Variants in HOXD8 observed in about 807,000 individuals in gnomAD.
HOXD8 encodes the protein homeobox D8.
In HOXD8, 17 loss-of-function variants were observed where a neutral mutation model predicts 25.4. The ratio of observed to expected loss-of-function variants is 0.67; its 90% CI spans 0.46 to 1.00. The LOEUF (loss-of-function observed/expected upper bound fraction) is 1.00. Among genes scored for constraint, HOXD8 ranks in the 50% least tolerant of loss-of-function variants. The probability of loss-of-function intolerance (pLI) is 0.00; values close to 1 mark genes in which losing one functional copy is unlikely to be tolerated. For synonymous variants in HOXD8, 203 were observed against 175.3 expected (o/e 1.16, Z -1.25); for missense variants, 511 against 398.5 (o/e 1.28, Z -2.40).
At position 176,129,776 on chromosome 2, in the gene HOXD8, T is replaced by G; in HGVS notation, c.-591T>G. On this transcript the variant is annotated 5_prime_UTR_variant, in exon 1 of 2. Coordinates refer to ENST00000313173, the MANE Select transcript of HOXD8 (RefSeq NM_019558.4). ...CTGTGGTGCGAAAATGCCTCGCCGG[T>G]GCGCACCGGGTCGGCAGCCTCGGCG... The G allele has an allele frequency of 4.9e-6, 1 of 206,062 alleles. No homozygotes were observed. Among genetic ancestry groups the G allele is most frequent in the South Asian group, 6.5e-5 (1 of 15,496 alleles). The allele number at this position is 206,062 out of a possible 1,614,324, so 12.8% of individuals were successfully genotyped here.
In HOXD8 at chr2:176,130,507, C is replaced by CGCA; in HGVS notation, c.147_149dup (p.Ala50dup). On this transcript the variant is annotated inframe_insertion, in exon 1 of 2. Coordinates refer to ENST00000313173, the MANE Select transcript of HOXD8 (RefSeq NM_019558.4). ...AGGTCGGCGGCCGTCACGCCGCCGCCGCAGCAGCCCTGCAGCTCTATGGCA... is the reference window on the plus strand; with the variant it reads ...AGGTCGGCGGCCGTCACGCCGCCGCCGCAGCAGCAGCCCTGCAGCTCTATGGCA... The CGCA allele has an allele frequency of 6.7e-7, 1 of 1,491,466 alleles. No homozygotes were observed. The highest frequency in any genetic ancestry group is 8.9e-7 in the Non-Finnish European group (1 of 1,127,380). The allele number at this position is 1,491,466 out of a possible 1,614,324, so 92.4% of individuals were successfully genotyped here.
Position 176,130,688 on chromosome 2 carries a change from GCCCCCCCTCCTC to G in HOXD8, c.324_335del (p.Pro110_Pro113del). 1 of 1,577,344 alleles carries G rather than the reference GCCCCCCCTCCTC, an allele frequency of 6.3e-7. No homozygotes were observed. The highest frequency in any genetic ancestry group is 8.6e-7 in the Non-Finnish European group (1 of 1,162,086). On this transcript the variant is annotated inframe_deletion, in exon 1 of 2. Transcript: ENST00000313173. The stretch of plus-strand genomic sequence containing the variant: ...CAGCCCGGCCGCTGCCTACCAGGCC[GCCCCCCCTCCTC>G]CTCCGCATCCTCCGCCTCCGCCGCC...
chr2:176,130,467 G>A lies in HOXD8; in HGVS notation c.101G>A (p.Cys34Tyr), dbSNP rs1374630582. The part of the protein sequence containing the change: ...GEAINPTYYD[C>Y]HFAPEVGGRH... The stretch of plus-strand genomic sequence containing the variant: ...GCCATCAATCCCACTTACTACGACT[G>A]TCACTTCGCGCCCGAGGTCGGCGGC... Residue 34 changes from cysteine to tyrosine, a missense_variant, in exon 1 of 2, where the codon TGT becomes TAT. Physicochemically the swap from Cys to Tyr is radical, Grantham distance 194. Coordinates refer to ENST00000313173, the MANE Select transcript of HOXD8 (RefSeq NM_019558.4). 4 of 1,492,798 alleles carry A rather than the reference G, an allele frequency of 2.7e-6. No individual in the cohort carries two copies. Among genetic ancestry groups the A allele is most frequent in the South Asian group, 1.2e-5 (1 of 80,082 alleles). 92.5% of individuals were successfully genotyped at this position (1,492,798 alleles called of 1,614,324 possible). A position where few individuals can be genotyped will look rare whatever the true frequency, so the allele number is the denominator to read the frequency against.
At position 176,130,263 on chromosome 2, in the gene HOXD8, G is replaced by A; in HGVS notation, c.-104G>A. 2 of 628,520 alleles carry A rather than the reference G, an allele frequency of 3.2e-6. No individual in the cohort carries two copies. The highest frequency in any genetic ancestry group is 3.8e-5 in the East Asian group (1 of 26,154). The allele number at this position is 628,520 out of a possible 1,614,324, so 38.9% of individuals were successfully genotyped here. A position where few individuals can be genotyped will look rare whatever the true frequency, so the allele number is the denominator to read the frequency against. Reference sequence around the variant, plus strand: ...TAGCCCGGCGGTCCCGGCGGCGAGAGCAGCCGCCCCACAGGCCCCCGCGGC... The same window carrying A: ...TAGCCCGGCGGTCCCGGCGGCGAGAACAGCCGCCCCACAGGCCCCCGCGGC... On this transcript the variant is annotated 5_prime_UTR_variant, in exon 1 of 2. Coordinates refer to ENST00000313173, the MANE Select transcript of HOXD8 (RefSeq NM_019558.4).
chr2:176,130,508 G>C lies in HOXD8; in HGVS notation c.142G>C (p.Ala48Pro). 1 of 1,491,366 alleles carries C rather than the reference G, an allele frequency of 6.7e-7. No individual in the cohort carries two copies. The highest frequency in any genetic ancestry group is 8.9e-7 in the Non-Finnish European group (1 of 1,127,296). The allele number at this position is 1,491,366 out of a possible 1,614,324, so 92.4% of individuals were successfully genotyped here. A position where few individuals can be genotyped will look rare whatever the true frequency, so the allele number is the denominator to read the frequency against. The change falls in exon 1 of 2, where the codon GCA becomes CCA. Residue 48 changes from alanine to proline, a missense_variant. Coordinates refer to ENST00000313173, the MANE Select transcript of HOXD8 (RefSeq NM_019558.4). ...GGTCGGCGGCCGTCACGCCGCCGCC[G>C]CAGCAGCCCTGCAGCTCTATGGCAA... Reference protein sequence around the residue: ...PEVGGRHAAAAAALQLYGNSA... With the variant: ...PEVGGRHAAAPAALQLYGNSA...
chr2:176,130,355 G>T lies in HOXD8; in HGVS notation c.-12G>T. 1 of 1,397,602 alleles carries T rather than the reference G, an allele frequency of 7.2e-7. No individual in the cohort carries two copies. Among genetic ancestry groups the T allele is most frequent in the Non-Finnish European group, 9.2e-7 (1 of 1,086,456 alleles). 86.6% of individuals were successfully genotyped at this position (1,397,602 alleles called of 1,614,324 possible). On this transcript the variant is annotated 5_prime_UTR_variant, in exon 1 of 2. Coordinates refer to ENST00000313173, the MANE Select transcript of HOXD8 (RefSeq NM_019558.4). ...CGCCCGCCCGCCCGGGGCCGCCGCC[G>T]CTGACGCCCCAATGAGTTCGTACTT...
In HOXD8 at chr2:176,130,473, T is replaced by C; in HGVS notation, c.107T>C (p.Phe36Ser). The stretch of plus-strand genomic sequence containing the variant: ...AATCCCACTTACTACGACTGTCACT[T>C]CGCGCCCGAGGTCGGCGGCCGTCAC... ...AINPTYYDCH[F>S]APEVGGRHAA... Residue 36 changes from phenylalanine (F) to serine (S), a missense_variant, in exon 1 of 2, where the codon TTC becomes TCC. Coordinates refer to ENST00000313173, the MANE Select transcript of HOXD8 (RefSeq NM_019558.4). 6.7e-7 allele frequency: 1 copy of C among 1,491,950 alleles called. No homozygotes were observed. Among genetic ancestry groups the C allele is most frequent in the Non-Finnish European group, 8.9e-7 (1 of 1,127,318 alleles). The allele number at this position is 1,491,950 out of a possible 1,614,324, so 92.4% of individuals were successfully genotyped here. A position where few individuals can be genotyped will look rare whatever the true frequency, so the allele number is the denominator to read the frequency against.
Position 176,130,954 on chromosome 2 carries a change from A to AT in HOXD8, c.577+21dup, listed in dbSNP as rs762340147. ...GGATGAGACCACAAGGTTGGGATGC[A>AT]TTTTTTTTTTAAGAAGGGAGAGGGG... On this transcript the variant is annotated intron_variant, in intron 1 of 1. Transcript: ENST00000313173. The AT allele has an allele frequency of 5.3e-3, 7,268 of 1,359,184 alleles. 2 individuals carry two copies. Among genetic ancestry groups the AT allele is most frequent in the South Asian group, 8.3e-3 (572 of 68,586 alleles). The allele number at this position is 1,359,184 out of a possible 1,614,324, so 84.2% of individuals were successfully genotyped here.
chr2:176,130,736 T>A lies in HOXD8; in HGVS notation c.370T>A (p.Cys124Ser), dbSNP rs764402769. 1.2e-6 allele frequency: 2 copies of A among 1,608,118 alleles called. No individual in the cohort carries two copies. The highest frequency in any genetic ancestry group is 1.7e-6 in the Non-Finnish European group (2 of 1,177,056). The change falls in exon 1 of 2, where the codon TGC (cysteine) becomes AGC (serine). Residue 124 changes from cysteine (C) to serine (S), a missense_variant. Cys to Ser is a moderately radical substitution (Grantham distance 112, BLOSUM62 -1). Coordinates refer to ENST00000313173, the MANE Select transcript of HOXD8 (RefSeq NM_019558.4). ...TCCGCCTCCGCCGCCACCTCCCCCC[T>A]GCGGCGGGATTGCCTGTCACGGGGA... ...HPPPPPPPPP[C>S]GGIACHGEPA...
chr2:176,132,116 G>A lies in HOXD8; in HGVS notation c.*504G>A, dbSNP rs1243203355. The stretch of plus-strand genomic sequence containing the variant: ...CTTTCCTTTATAATGAATAGTTCGG[G>A]TGCGTTTTGTTTACTCCTAAAAGGT... On this transcript the variant is annotated 3_prime_UTR_variant, in exon 2 of 2. Coordinates refer to ENST00000313173, the MANE Select transcript of HOXD8 (RefSeq NM_019558.4). 6.6e-6 allele frequency: 1 copy of A among 151,822 alleles called. No individual in the cohort carries two copies. The highest frequency in any genetic ancestry group is 2.4e-5 in the African/African-American group (1 of 41,290). 9.4% of individuals were successfully genotyped at this position (151,822 alleles called of 1,614,324 possible). A position where few individuals can be genotyped will look rare whatever the true frequency, so the allele number is the denominator to read the frequency against.
chr2:176,130,586 C>G lies in HOXD8; in HGVS notation c.220C>G (p.Pro74Ala). Reference sequence around the variant, plus strand: ...CCCGCAGGCGCACGCGCACCCGCACCCGTCCCCGCCGCCCTCCGGGACTGG... The same window carrying G: ...CCCGCAGGCGCACGCGCACCCGCACGCGTCCCCGCCGCCCTCCGGGACTGG... Reference protein sequence around the residue: ...APPQAHAHPHPSPPPSGTGCG... With the variant: ...APPQAHAHPHASPPPSGTGCG... The change falls in exon 1 of 2, where the codon CCG becomes GCG. Residue 74 changes from proline (P) to alanine (A), a missense_variant. Coordinates refer to ENST00000313173, the MANE Select transcript of HOXD8 (RefSeq NM_019558.4). 1.4e-6 allele frequency: 2 copies of G among 1,454,988 alleles called. No individual in the cohort carries two copies. Among genetic ancestry groups the G allele is most frequent in the Admixed American group, 2.9e-5 (1 of 34,078 alleles). 90.1% of individuals were successfully genotyped at this position (1,454,988 alleles called of 1,614,324 possible).
Position 176,130,529 on chromosome 2 carries a change from G to T in HOXD8, c.163G>T (p.Gly55Cys). Reference sequence around the variant, plus strand: ...CGCCGCAGCAGCCCTGCAGCTCTATGGCAACAGCGCCGCCGGCTTCCCGCA... The same window carrying T: ...CGCCGCAGCAGCCCTGCAGCTCTATTGCAACAGCGCCGCCGGCTTCCCGCA... ...AAAAAALQLY[G>C]NSAAGFPHAP... Residue 55 changes from glycine to cysteine, a missense_variant, in exon 1 of 2, where the codon GGC becomes TGC. Physicochemically the swap from Gly to Cys is radical, Grantham distance 159. Coordinates refer to ENST00000313173, the MANE Select transcript of HOXD8 (RefSeq NM_019558.4). 2 of 1,482,632 alleles carry T rather than the reference G, an allele frequency of 1.3e-6. No individual in the cohort carries two copies. Among genetic ancestry groups the T allele is most frequent in the Admixed American group, 2.4e-5 (1 of 41,450 alleles). 91.8% of individuals were successfully genotyped at this position (1,482,632 alleles called of 1,614,324 possible).
chr2:176,130,335 G>C lies in HOXD8; in HGVS notation c.-32G>C. 7.3e-7 allele frequency: 1 copy of C among 1,366,856 alleles called. No individual in the cohort carries two copies. The highest frequency in any genetic ancestry group is 9.4e-7 in the Non-Finnish European group (1 of 1,066,958). The allele number at this position is 1,366,856 out of a possible 1,614,324, so 84.7% of individuals were successfully genotyped here. The stretch of plus-strand genomic sequence containing the variant: ...GCTCTCTGGCTGCTTAGCGCCGCCC[G>C]CCCGCCCGGGGCCGCCGCCGCTGAC... On this transcript the variant is annotated 5_prime_UTR_variant, in exon 1 of 2. Transcript: ENST00000313173.
In HOXD8 at chr2:176,130,407, A is replaced by AGGC; in HGVS notation, c.48_50dup (p.Ala23dup). On this transcript the variant is annotated inframe_insertion, in exon 1 of 2. Transcript: ENST00000313173. The stretch of plus-strand genomic sequence containing the variant: ...GTGAACCCGCTGTACTCCAAGTACA[A>AGGC]GGCGGCGGCTGCGGCGGCGGCGGCG... 4.7e-6 allele frequency: 7 copies of AGGC among 1,486,716 alleles called. No homozygotes were observed. The highest frequency in any genetic ancestry group is 2.8e-5 in the East Asian group (1 of 35,338). The allele number at this position is 1,486,716 out of a possible 1,614,324, so 92.1% of individuals were successfully genotyped here.
rs1158246543 is a variant in HOXD8 at position 176,130,444 on chromosome 2, C to T, written c.78C>T (p.Ala26=). Residue 26 remains alanine, a synonymous_variant, in exon 1 of 2, where the codon GCC becomes GCT. Coordinates refer to ENST00000313173, the MANE Select transcript of HOXD8 (RefSeq NM_019558.4). ...CGGCGGCGGCGGCGGCGGGCGAGGC[C>T]ATCAATCCCACTTACTACGACTGTC... ...AAAAAAAAGE[A]INPTYYDCHF... is the part of the protein sequence containing the mutation. The T allele has an allele frequency of 6.7e-7, 1 of 1,493,294 alleles. No homozygotes were observed. The highest frequency in any genetic ancestry group is 1.2e-5 in the South Asian group (1 of 80,244). 92.5% of individuals were successfully genotyped at this position (1,493,294 alleles called of 1,614,324 possible). A position where few individuals can be genotyped will look rare whatever the true frequency, so the allele number is the denominator to read the frequency against.
In HOXD8 at chr2:176,130,460, T is replaced by G. The variant is rs900588037; in HGVS notation, c.94T>G (p.Tyr32Asp). 1 of 1,494,414 alleles carries G rather than the reference T, an allele frequency of 6.7e-7. No individual in the cohort carries two copies. The highest frequency in any genetic ancestry group is 1.5e-5 in the African/African-American group (1 of 68,794). The allele number at this position is 1,494,414 out of a possible 1,614,324, so 92.6% of individuals were successfully genotyped here. ...AAGEAINPTYYDCHFAPEVGG... is the reference protein window; with the variant it reads ...AAGEAINPTYDDCHFAPEVGG... ...GGGCGAGGCCATCAATCCCACTTAC[T>G]ACGACTGTCACTTCGCGCCCGAGGT... Residue 32 changes from tyrosine (Y) to aspartate (D), a missense_variant, in exon 1 of 2, where the codon TAC (tyrosine) becomes GAC (aspartate). Coordinates refer to ENST00000313173, the MANE Select transcript of HOXD8 (RefSeq NM_019558.4).
rs761239355 is a variant in HOXD8 at position 176,130,340 on chromosome 2, C to T, written c.-27C>T. On this transcript the variant is annotated 5_prime_UTR_variant, in exon 1 of 2. Coordinates refer to ENST00000313173, the MANE Select transcript of HOXD8 (RefSeq NM_019558.4). ...CTGGCTGCTTAGCGCCGCCCGCCCG[C>T]CCGGGGCCGCCGCCGCTGACGCCCC... 1.4e-6 allele frequency: 2 copies of T among 1,379,436 alleles called. No homozygotes were observed. Among genetic ancestry groups the T allele is most frequent in the South Asian group, 1.6e-5 (1 of 62,616 alleles). The allele number at this position is 1,379,436 out of a possible 1,614,324, so 85.4% of individuals were successfully genotyped here. A position where few individuals can be genotyped will look rare whatever the true frequency, so the allele number is the denominator to read the frequency against.
rs1489965567 is a variant in HOXD8, at chr2:176,130,719, C to T, written c.353C>T (p.Pro118Leu). 3.7e-6 allele frequency: 6 copies of T among 1,606,010 alleles called. No homozygotes were observed. Among genetic ancestry groups the T allele is most frequent in the Non-Finnish European group, 5.1e-6 (6 of 1,175,616 alleles). ...APPPPPHPPP[P>L]PPPPPCGGIA... ...CCTCCTCCTCCGCATCCTCCGCCTC[C>T]GCCGCCACCTCCCCCCTGCGGCGGG... Residue 118 changes from proline (P) to leucine (L), a missense_variant, in exon 1 of 2, where the codon CCG (proline) becomes CTG (leucine). Transcript: ENST00000313173.
In HOXD8 at chr2:176,130,117, A is replaced by G; in HGVS notation, c.-250A>G. On this transcript the variant is annotated 5_prime_UTR_variant, in exon 1 of 2. Coordinates refer to ENST00000313173, the MANE Select transcript of HOXD8 (RefSeq NM_019558.4). ...GGCGAGGCCCCGCGACCCGCGAGGG[A>G]GGCGGCGCGAAGCCGAGGCGGCGGG... The G allele has an allele frequency of 6.4e-6, 1 of 156,064 alleles. No individual in the cohort carries two copies. The highest frequency in any genetic ancestry group is 1.4e-5 in the Non-Finnish European group (1 of 72,090). The allele number at this position is 156,064 out of a possible 1,614,324, so 9.7% of individuals were successfully genotyped here.
Sources: allele counts gnomAD v4.1 joint callset, GRCh38; gene constraint gnomAD v4.1.1; transcripts MANE v1.5; gene names NCBI Gene and HGNC (gene_info 2026-07-23, HGNC 2026-07-21).